Variants in MNS1 observed in about 807,000 individuals in gnomAD.
The protein encoded by MNS1 is meiosis specific nuclear structural 1.
MNS1 carries 63 observed loss-of-function variants against 72.0 expected under a neutral mutation model. That is an observed-to-expected ratio of 0.87 (90% CI 0.71 to 1.08). MNS1 has a LOEUF of 1.08. Ranked by LOEUF, MNS1 falls within the 50% of genes least tolerant of loss-of-function variation. MNS1 has a pLI of 0.00. For synonymous variants in MNS1, 188 were observed against 172.1 expected (o/e 1.09, Z -0.72); for missense variants, 604 against 562.4 (o/e 1.07, Z -0.75).
At chr15:56,449,998 C>T (rs1348808871) in intron 3 of MNS1, among the ~76,000 whole-genome samples, 1 of 152,082 alleles carries the variant, frequency 6.6e-6, no homozygotes, top group Non-Finnish European at 1.5e-5. Flanking sequence ...TGGCACAGTT[C>T]TTGGCTTTAT....
chr15:56,449,096 C>T (rs1189132605), intron 3 of MNS1, among the ~76,000 whole-genome samples: 4 of 152,124 alleles, frequency 2.6e-5, no homozygotes, highest in Non-Finnish European at 5.9e-5. Context: ...ACAATCATAT[C>T]ATCTGTGAAT....
chr15:56,451,168 C>G (rs1369897867), intron 3 of MNS1, among the ~76,000 whole-genome samples: 2 of 152,144 alleles, frequency 1.3e-5, no homozygotes, highest in Non-Finnish European at 2.9e-5. Context: ...TAAATGAGTT[C>G]TGAGTGAGGT....
intron 7 of MNS1, among the ~76,000 whole-genome samples, chr15:56,442,042 A>G (rs575738149): frequency 1.3e-5 from 2 of 151,994 alleles, no homozygotes; most frequent in African/African-American, 4.8e-5. Flanking sequence ...ATAAAATAAA[A>G]TAAATAAATA....
chr15:56,434,452 A>G, intron 7 of MNS1, 57 bp from the exon 8 acceptor site: 13 of 1,509,412 alleles, frequency 8.6e-6, no homozygotes, highest in Non-Finnish European at 1.2e-5. Flanking sequence ...CAGATTTATA[A>G]GGAAAGAGTG....
intron 7 of MNS1, among the ~76,000 whole-genome samples, chr15:56,442,743 G>A (rs1161003253): frequency 2.0e-5 from 3 of 152,090 alleles, no homozygotes; most frequent in African/African-American, 7.2e-5. Flanking sequence ...CTTGAGGGTA[G>A]ACATAGGAGG....
At chr15:56,459,012 A>G (rs1201079991) in intron 2 of MNS1, among the ~76,000 whole-genome samples, 1 of 152,232 alleles carries the variant, frequency 6.6e-6, no homozygotes, top group Non-Finnish European at 1.5e-5. Flanking sequence ...TATATAGCAC[A>G]TCTGTGTGTA....
intron 2 of MNS1, among the ~76,000 whole-genome samples, chr15:56,459,892 C>T (rs1391112327): frequency 4.8e-5 from 7 of 147,196 alleles, no homozygotes; most frequent in East Asian, 4.0e-4. Context: ...TGGAAGGCCT[C>T]GGCAGGAGAA....
At position 56,464,043 on chromosome 15, in the gene MNS1, C is replaced by A; in HGVS notation, c.208G>T (p.Glu70Ter). The A allele has an allele frequency of 6.2e-7, 1 of 1,612,508 alleles. No individual in the cohort carries two copies. The highest frequency in any genetic ancestry group is 8.5e-7 in the Non-Finnish European group (1 of 1,179,486). The change falls in exon 2 of 10, where the codon GAA becomes TAA. Residue 70 changes from glutamate to a stop codon, truncating the protein, a stop_gained. Coordinates refer to ENST00000260453, the MANE Select transcript of MNS1 (RefSeq NM_018365.4). LOFTEE classifies it high-confidence loss of function. ...AAACTTACCTTTTGAATGGCCTCTT[C>A]CATATCCAACTCAAATTGTTCATTT... ...LQNEQFELDM[E>*]EAIQKAEENK... is the part of the protein sequence containing the mutation.
intron 7 of MNS1, among the ~76,000 whole-genome samples, chr15:56,443,037 C>T (rs2050846212): frequency 6.6e-6 from 1 of 152,096 alleles, no homozygotes; most frequent in African/African-American, 2.4e-5. Flanking sequence ...ACTATGACAT[C>T]TTCTAGATGA....
chr15:56,450,749 A>T (rs1175369010), intron 3 of MNS1, among the ~76,000 whole-genome samples: 1 of 149,754 alleles, frequency 6.7e-6, no homozygotes, highest in Admixed American at 6.6e-5. Flanking sequence ...TCACTATTGA[A>T]TTTTTTGTAT....
chr15:56,462,609 A>T (rs927966209), intron 2 of MNS1, among the ~76,000 whole-genome samples: 35 of 152,232 alleles, frequency 2.3e-4, no homozygotes, highest in African/African-American at 8.2e-4. Flanking sequence ...CAAGCTAAAA[A>T]CATGAAGTCA....
chr15:56,455,776 A>T (rs1238080619), intron 3 of MNS1, among the ~76,000 whole-genome samples: 1 of 152,130 alleles, frequency 6.6e-6, no homozygotes, highest in Non-Finnish European at 1.5e-5. Context: ...AATAATTTAA[A>T]CTGTAATCAG....
intron 3 of MNS1, among the ~76,000 whole-genome samples, chr15:56,453,029 A>G (rs2050958049): frequency 6.6e-6 from 1 of 152,092 alleles, no homozygotes; most frequent in South Asian, 2.1e-4. Context: ...TTTATTCTCT[A>G]TTAGTCAGTT....
Position 56,464,105 on chromosome 15 carries a change from T to G in MNS1, c.146A>C (p.Asn49Thr). 1 of 1,614,190 alleles carries G rather than the reference T, an allele frequency of 6.2e-7. No individual in the cohort carries two copies. Among genetic ancestry groups the G allele is most frequent in the Non-Finnish European group, 8.5e-7 (1 of 1,180,020 alleles). The change falls in exon 2 of 10, where the codon AAC becomes ACC. Residue 49 changes from asparagine (N) to threonine (T), a missense_variant. Transcript: ENST00000260453. ...RNQMVQNEND[N>T]RVQRKQFLRL... ...GAGAAATTGCTTGCGCTGAACACGGTTATCATTTTCATTCTGCACCATTTG... is the reference window on the plus strand; with the variant it reads ...GAGAAATTGCTTGCGCTGAACACGGGTATCATTTTCATTCTGCACCATTTG...
intron 3 of MNS1, 138 bp from the exon 4 acceptor site, chr15:56,447,081 T>C (rs1320301138): frequency 1.3e-5 from 8 of 610,638 alleles, no homozygotes; most frequent in Non-Finnish European, 1.7e-5. Context: ...ATAGGAGAAA[T>C]AATTCATTAT....
intron 7 of MNS1, 100 bp downstream of exon 7, chr15:56,443,330 T>G: frequency 1.2e-6 from 1 of 836,364 alleles, no homozygotes; most frequent in East Asian, 2.8e-5. Flanking sequence ...ATAATGTAAT[T>G]ACCAGTATGG....
intron 7 of MNS1, among the ~76,000 whole-genome samples, chr15:56,442,188 A>G (rs901283954): frequency 6.6e-5 from 10 of 152,188 alleles, no homozygotes; most frequent in Non-Finnish European, 1.3e-4. Context: ...ATGAGATACT[A>G]TCTCACATCA....
intron 7 of MNS1, among the ~76,000 whole-genome samples, chr15:56,439,823 T>A (rs1360278807): frequency 6.7e-6 from 1 of 148,508 alleles, no homozygotes; most frequent in Non-Finnish European, 1.5e-5. Flanking sequence ...AAGGAGAAAT[T>A]CTTCAATAAC....
intron 7 of MNS1, among the ~76,000 whole-genome samples, chr15:56,442,052 A>G (rs544331000): frequency 6.6e-6 from 1 of 151,998 alleles, no homozygotes; most frequent in South Asian, 2.1e-4. Context: ...ATAAATAAAT[A>G]AAAAGAAAAA....
Sources: allele counts gnomAD v4.1 joint callset (sites outside exome capture counted in the v4.1 genomes callset), GRCh38; gene constraint gnomAD v4.1.1; transcripts MANE v1.5; gene names NCBI Gene and HGNC (gene_info 2026-07-23, HGNC 2026-07-21).